The following SPAM1 variants were observed in gnomAD, a reference collection of about 807,000 sequenced individuals.
SPAM1 encodes hyaluronidase PH-20.
A neutral mutation model predicts 29.6 loss-of-function variants in SPAM1; 22 were observed. That is an observed-to-expected ratio of 0.74 (90% CI 0.53 to 1.06). The LOEUF (loss-of-function observed/expected upper bound fraction) is 1.06. SPAM1 is among the 50% of genes least tolerant of loss of function. The pLI, the probability that SPAM1 is intolerant of heterozygous loss-of-function variation, is 0.00. For synonymous variants in SPAM1, 194 were observed against 204.6 expected (o/e 0.95, Z 0.44); for missense variants, 534 against 604.0 (o/e 0.88, Z 1.21).
downstream of SPAM1, among the ~76,000 whole-genome samples, chr7:123,960,605 G>A (rs1331168083): frequency 5.9e-5 from 9 of 151,846 alleles, no homozygotes; most frequent in Admixed American, 6.6e-5. Flanking sequence ...CTTTTAAAGC[G>A]CAGAGCAGTT....
At chr7:123,938,364 G>T (rs149909710) in intron 1 of SPAM1, among the ~76,000 whole-genome samples, 20 of 152,200 alleles carry the variant, frequency 1.3e-4, no homozygotes, top group African/African-American at 4.8e-4. Context: ...TTTTAAACAA[G>T]TCACCTATCC....
At chr7:123,960,159 C>T, downstream of SPAM1, 1 of 738,080 alleles carries the variant, frequency 1.4e-6, no homozygotes, top group Non-Finnish European at 2.1e-6. Context: ...AATTCTCAAC[C>T]ATGAGTTCAG....
intron 4 of SPAM1, among the ~76,000 whole-genome samples, chr7:123,956,458 A>C (rs1438708503): frequency 6.6e-6 from 1 of 152,060 alleles, no homozygotes; most frequent in Non-Finnish European, 1.5e-5. Flanking sequence ...ACTTGCAGTT[A>C]CTGGAACTGA....
chr7:123,955,084 A>T lies in SPAM1; in HGVS notation c.1042A>T (p.Met348Leu). ...GGGAACCCTCAGTATAATGCGAAGT[A>T]TGGTAAGTTGAATTGGTAGAAAATA... The part of the protein sequence containing the change: ...IWGTLSIMRS[M>L]KSCLLLDNYM... Residue 348 changes from methionine to leucine, a missense_variant and splice_region_variant, in exon 4 of 5, where the codon ATG becomes TTG. Coordinates refer to ENST00000682466, the MANE Select transcript of SPAM1 (RefSeq NM_153189.3). The T allele has an allele frequency of 6.3e-7, 1 of 1,599,770 alleles. No individual in the cohort carries two copies. Among genetic ancestry groups the T allele is most frequent in the Non-Finnish European group, 8.6e-7 (1 of 1,167,786 alleles).
chr7:123,957,166 A>C (rs1792265938), intron 4 of SPAM1, among the ~76,000 whole-genome samples: 1 of 152,008 alleles, frequency 6.6e-6, no homozygotes. Flanking sequence ...TGAGTACTTA[A>C]AAAGTACACA....
At chr7:123,947,485 G>C (rs1351240346) in intron 1 of SPAM1, among the ~76,000 whole-genome samples, 1 of 151,998 alleles carries the variant, frequency 6.6e-6, no homozygotes, top group African/African-American at 2.4e-5. Flanking sequence ...GGGAGTTGGA[G>C]GTTGTAGTGA....
intron 4 of SPAM1, among the ~76,000 whole-genome samples, chr7:123,956,440 G>C (rs1016195292): frequency 6.6e-6 from 1 of 151,812 alleles, no homozygotes; most frequent in African/African-American, 2.4e-5. Flanking sequence ...ACCGATAATT[G>C]CAAGTTTACT....
intron 1 of SPAM1, among the ~76,000 whole-genome samples, chr7:123,929,089 G>T (rs1807986942): frequency 6.6e-6 from 1 of 152,166 alleles, no homozygotes; most frequent in African/African-American, 2.4e-5. Flanking sequence ...TTCTAGACAG[G>T]ATTTCCAATA....
At chr7:123,963,406 C>G (rs1359957488), downstream of SPAM1, among the ~76,000 whole-genome samples, 5 of 151,502 alleles carry the variant, frequency 3.3e-5, no homozygotes, top group African/African-American at 1.2e-4. Context: ...TTTTAGTAGA[C>G]TGTTGCCATT....
chr7:123,939,951 C>T (rs1214459029), intron 1 of SPAM1, among the ~76,000 whole-genome samples: 1 of 152,164 alleles, frequency 6.6e-6, no homozygotes, highest in Non-Finnish European at 1.5e-5. Flanking sequence ...CCTGCTGATC[C>T]CCACCCTGCC....
Position 123,953,816 on chromosome 7 carries a change from C to T in SPAM1, c.246C>T (p.Asn82=), listed in dbSNP as rs1431798930. 8.7e-6 allele frequency: 14 copies of T among 1,612,560 alleles called. No individual in the cohort carries two copies. Among genetic ancestry groups the T allele is most frequent in the African/African-American group, 1.3e-5 (1 of 74,798 alleles). ...CTTTCATAGGAAGCCCCCGAATAAA[C>T]GCCACCGGGCAAGGTGTTACAATAT... ...LFSFIGSPRI[N]ATGQGVTIFY... Residue 82 remains asparagine (N), a synonymous_variant, in exon 3 of 5, where the codon AAC becomes AAT. Transcript: ENST00000682466.
At position 123,960,031 on chromosome 7, in the gene SPAM1, A is replaced by G; in HGVS notation, c.*62A>G. On this transcript the variant is annotated 3_prime_UTR_variant, in exon 5 of 5. Coordinates refer to ENST00000682466, the MANE Select transcript of SPAM1 (RefSeq NM_153189.3). ...TTAAAGTGTGCTTTTTCGACTAATTAAATCTTTGAAAAGAACAGCTCTTGT... is the reference window on the plus strand; with the variant it reads ...TTAAAGTGTGCTTTTTCGACTAATTGAATCTTTGAAAAGAACAGCTCTTGT... 3 of 1,512,620 alleles carry G rather than the reference A, an allele frequency of 2.0e-6. No homozygotes were observed. Among genetic ancestry groups the G allele is most frequent in the Non-Finnish European group, 2.6e-6 (3 of 1,139,360 alleles). The allele number at this position is 1,512,620 out of a possible 1,614,324, so 93.7% of individuals were successfully genotyped here.
intron 1 of SPAM1, among the ~76,000 whole-genome samples, chr7:123,930,754 G>A (rs568630355): frequency 1.3e-5 from 2 of 152,296 alleles, no homozygotes; most frequent in South Asian, 4.1e-4. Flanking sequence ...TACATACAAG[G>A]ATGGTCTGGT....
chr7:123,949,627 A>G (rs1808696592), intron 1 of SPAM1, among the ~76,000 whole-genome samples: 1 of 152,112 alleles, frequency 6.6e-6, no homozygotes, highest in Non-Finnish European at 1.5e-5. Flanking sequence ...AGATGCTACA[A>G]TACATAGTGG....
chr7:123,930,624 A>G (rs1237730350), intron 1 of SPAM1, among the ~76,000 whole-genome samples: 1 of 152,186 alleles, frequency 6.6e-6, no homozygotes, highest in Non-Finnish European at 1.5e-5. Flanking sequence ...GTGATATTGG[A>G]CAGGTGAAAC....
chr7:123,955,325 A>G (rs913957372), intron 4 of SPAM1, among the ~76,000 whole-genome samples: 3 of 152,038 alleles, frequency 2.0e-5, no homozygotes, highest in South Asian at 2.1e-4. Context: ...TCTAGGCTAC[A>G]TGACTATTAA....
rs573306824 is a variant in SPAM1 at position 123,953,313 on chromosome 7, A to G, written c.-206-52A>G. ...AAGTTGAGAACTTGGTGAAGCTTAC[A>G]TTCTTTATTATGAAATGCATCATAA... is the stretch of plus-strand genomic sequence containing the variant. On this transcript the variant is annotated intron_variant, in intron 2 of 4. Coordinates refer to ENST00000682466, the MANE Select transcript of SPAM1 (RefSeq NM_153189.3). 13 of 356,748 alleles carry G rather than the reference A, an allele frequency of 3.6e-5. No individual in the cohort carries two copies. The South Asian group carries it at 1.3e-3, about 34-fold the overall frequency. The allele number at this position is 356,748 out of a possible 1,614,324, so 22.1% of individuals were successfully genotyped here. A position where few individuals can be genotyped will look rare whatever the true frequency, so the allele number is the denominator to read the frequency against.
chr7:123,953,273 AACCCC>A lies in SPAM1; in HGVS notation c.-206-91_-206-87del, dbSNP rs1426808836. The A allele has an allele frequency of 2.9e-5, 8 of 274,680 alleles. No individual in the cohort carries two copies. In the Admixed American group the frequency reaches 3.6e-4, roughly 12 times the overall value. The allele number at this position is 274,680 out of a possible 1,614,324, so 17.0% of individuals were successfully genotyped here. On this transcript the variant is annotated intron_variant, in intron 2 of 4. Transcript: ENST00000682466. ...TCCTCCATCTTCTAAAATGAAATTA[AACCCC>A]CTGCACTTAAAGTTGAGAACTTGGT...
chr7:123,970,092 A>T, intron 5 of SPAM1: 2 of 1,165,978 alleles, frequency 1.7e-6, no homozygotes, highest in Non-Finnish European at 2.4e-6. Context: ...GTCTCCTGGT[A>T]TTTATTCTGT....
Sources: allele counts gnomAD v4.1 joint callset (sites outside exome capture counted in the v4.1 genomes callset), GRCh38; gene constraint gnomAD v4.1.1; transcripts MANE v1.5; gene names NCBI Gene and HGNC (gene_info 2026-07-23, HGNC 2026-07-21).